FMO5: variants seen among roughly 807,000 people sequenced by gnomAD.
FMO5 encodes the protein flavin containing dimethylaniline monoxygenase 5.
FMO5 carries 51 observed loss-of-function variants against 43.6 expected under a neutral mutation model. The ratio of observed to expected loss-of-function variants is 1.17; its 90% CI spans 0.93 to 1.48. The LOEUF (loss-of-function observed/expected upper bound fraction) is 1.48. Ranked by LOEUF, FMO5 falls within the 40% of genes most tolerant of loss-of-function variation. The pLI is 0.00. For missense variants in FMO5, 644 were observed against 643.0 expected (o/e 1.00, Z -0.02); for synonymous variants, 187 against 216.5 (o/e 0.86, Z 1.20).
At position 147,213,098 on chromosome 1, in the gene FMO5, TAAATA is replaced by T. The variant is rs782714607; in HGVS notation, c.487+205_487+209del. 3.3e-5 allele frequency among the ~76,000 whole-genome samples: 5 copies of T among 152,170 alleles called. No individual in the cohort carries two copies. The South Asian group carries it at 6.2e-4, about 19-fold the overall frequency. ...ACAATGACTAAAGTCATTGTAAAAC[TAAATA>T]GACTGCAAATTTTGCTCTAATCTCC... On this transcript the variant is annotated intron_variant, in intron 4 of 8. Coordinates refer to ENST00000254090, the MANE Select transcript of FMO5 (RefSeq NM_001461.4).
chr1:147,195,212 TA>T (rs1220452372), intron 7 of FMO5, among the ~76,000 whole-genome samples: 4 of 152,180 alleles, frequency 2.6e-5, no homozygotes, highest in African/African-American at 9.7e-5. Flanking sequence ...CGTTTCTTTT[TA>T]TTCTTTTTTC....
Position 147,190,182 on chromosome 1 carries a change from G to C in FMO5, c.1251C>G (p.Asp417Glu). 6.2e-7 allele frequency: 1 copy of C among 1,604,946 alleles called. No individual in the cohort carries two copies. Among genetic ancestry groups the C allele is most frequent in the Non-Finnish European group, 8.5e-7 (1 of 1,172,952 alleles). The change falls in exon 8 of 9, where the codon GAC (aspartate) becomes GAG (glutamate). Residue 417 changes from aspartate to glutamate, a missense_variant. Transcript: ENST00000254090. ...TTCCTGGGAGAGTTTCTTACCTTTT[G>C]TCAATTTCCTCTTGAGCTTTAGATA... ...AEISKAQEEI[D>E]KRYVESQRHT...
intron 5 of FMO5, among the ~76,000 whole-genome samples, chr1:147,211,930 T>C (rs1339661828): frequency 6.6e-6 from 1 of 151,946 alleles, no homozygotes; most frequent in Non-Finnish European, 1.5e-5. Flanking sequence ...ATTTGGGGAG[T>C]GTAAAGGAAA....
At chr1:147,214,352 G>C (rs12032862) in intron 3 of FMO5, among the ~76,000 whole-genome samples, 1 of 152,148 alleles carries the variant, frequency 6.6e-6, no homozygotes, top group South Asian at 2.1e-4. Context: ...TCGGGAGGCT[G>C]AGGCGGGAGA....
intron 6 of FMO5, chr1:147,204,158 A>G: frequency 1.7e-6 from 2 of 1,143,358 alleles, no homozygotes; most frequent in Non-Finnish European, 1.3e-6. Flanking sequence ...ATCAGTCTTT[A>G]TCAACACTGT....
At chr1:147,210,628 G>A (rs1490644469) in intron 5 of FMO5, 1 of 152,108 alleles carries the variant, frequency 6.6e-6, no homozygotes, top group African/African-American at 2.4e-5. Flanking sequence ...GCTGAGTAAT[G>A]AAAACGCTCA....
intron 6 of FMO5, chr1:147,204,736 G>T (rs1571275769): frequency 6.6e-7 from 1 of 1,512,506 alleles, no homozygotes; most frequent in East Asian, 2.3e-5. Context: ...TGCATCATTT[G>T]TCACAAACAA....
At chr1:147,190,814 G>C (rs377204111) in intron 7 of FMO5, among the ~76,000 whole-genome samples, 5,601 of 151,852 alleles carry the variant, frequency 0.037, 154 homozygotes, top group South Asian at 0.095. Flanking sequence ...GGTATATCTC[G>C]TAATGCTATC....
Position 147,201,461 on chromosome 1 carries a change from G to A in FMO5, c.874C>T (p.Arg292Cys), listed in dbSNP as rs143729816. 295 of 1,613,930 alleles carry A rather than the reference G, an allele frequency of 1.8e-4. No homozygotes were observed. The highest frequency in any genetic ancestry group is 2.3e-4 in the Non-Finnish European group (272 of 1,180,010). Residue 292 changes from arginine (R) to cysteine (C), a missense_variant, in exon 7 of 9, where the codon CGT becomes TGT. Transcript: ENST00000254090. ...HPTLNDDLPN[R>C]IISGLVKVKG... ...ACTTTCACCAAGCCAGAAATGATACGATTTGGCAGGTCATCATTTAAGGTT... is the reference window on the plus strand; with the variant it reads ...ACTTTCACCAAGCCAGAAATGATACAATTTGGCAGGTCATCATTTAAGGTT...
chr1:147,217,155 G>T (rs1553925199), intron 2 of FMO5, among the ~76,000 whole-genome samples: 1 of 151,990 alleles, frequency 6.6e-6, no homozygotes, highest in Non-Finnish European at 1.5e-5. Context: ...CAGGAGAATC[G>T]CTTGAACCCG....
intron 2 of FMO5, among the ~76,000 whole-genome samples, chr1:147,220,687 G>A (rs907906339): frequency 3.3e-5 from 5 of 152,024 alleles, no homozygotes; most frequent in Admixed American, 1.3e-4. Context: ...ACTTTTTAAC[G>A]CATGTTGAGT....
At chr1:147,212,594 C>A in intron 4 of FMO5, 59 bp from the exon 5 acceptor site, 2 of 1,495,044 alleles carry the variant, frequency 1.3e-6, no homozygotes, top group South Asian at 1.2e-5. Context: ...TATCATTTGT[C>A]AAGTCATTTG....
intron 7 of FMO5, among the ~76,000 whole-genome samples, chr1:147,199,899 G>A (rs1017127708): frequency 3.3e-5 from 5 of 152,144 alleles, no homozygotes; most frequent in Admixed American, 3.3e-4. Context: ...AATTCCAACA[G>A]GAACTCTGAG....
intron 7 of FMO5, among the ~76,000 whole-genome samples, chr1:147,191,991 C>T (rs1402989715): frequency 1.6e-4 from 25 of 151,920 alleles, no homozygotes; most frequent in African/African-American, 5.1e-4. Flanking sequence ...CTTGGTGATG[C>T]GGGCTCTTTT....
chr1:147,220,944 C>A (rs1297350265), intron 2 of FMO5, among the ~76,000 whole-genome samples: 318 of 136,954 alleles, frequency 2.3e-3, no homozygotes, highest in Middle Eastern at 4.0e-3. Flanking sequence ...TTTAAGTTTC[C>A]AAAAAAAAAA....
intron 7 of FMO5, among the ~76,000 whole-genome samples, chr1:147,192,366 C>G (rs1657042133): frequency 6.6e-6 from 1 of 151,966 alleles, no homozygotes; most frequent in African/African-American, 2.4e-5. Context: ...GATTTTGTAT[C>G]CTGAGACTTT....
intron 6 of FMO5, among the ~76,000 whole-genome samples, chr1:147,202,191 C>T (rs1659091480): frequency 6.6e-6 from 1 of 151,468 alleles, no homozygotes; most frequent in African/African-American, 2.4e-5. Context: ...CTAGGGACAG[C>T]GTAGGATACG....
rs587707548 is a variant in FMO5 at position 147,193,646 on chromosome 1, T to C, written c.1184-3397A>G. 4.6e-5 allele frequency among the ~76,000 whole-genome samples: 7 copies of C among 152,320 alleles called. No homozygotes were observed. In the East Asian group the frequency reaches 1.3e-3, roughly 29 times the overall value. On this transcript the variant is annotated intron_variant, in intron 7 of 8. Transcript: ENST00000254090. Reference sequence around the variant, plus strand: ...CCTGCTTTCTCTTGTGGGCATTTAGTGCTATAAATTTCCCTCTACACACTG... The same window carrying C: ...CCTGCTTTCTCTTGTGGGCATTTAGCGCTATAAATTTCCCTCTACACACTG...
intron 6 of FMO5, among the ~76,000 whole-genome samples, chr1:147,201,721 G>A (rs1411719091): frequency 6.6e-6 from 1 of 152,170 alleles, no homozygotes; most frequent in African/African-American, 2.4e-5. Flanking sequence ...GAGAGTGTTG[G>A]AGGAGTGAAG....
Sources: gnomAD v4.1 joint callset for allele counts (sites outside exome capture counted in the v4.1 genomes callset) on GRCh38, gnomAD v4.1.1 for gene constraint, MANE v1.5 for transcripts, NCBI Gene and HGNC (gene_info 2026-07-23, HGNC 2026-07-21) for gene names.